Variants in PTK7 observed in about 807,000 individuals in gnomAD.
The protein encoded by PTK7 is inactive tyrosine-protein kinase 7.
In PTK7, 39 loss-of-function variants were observed where a neutral mutation model predicts 116.6. The ratio of observed to expected loss-of-function variants is 0.33; its 90% CI spans 0.26 to 0.44. The LOEUF (loss-of-function observed/expected upper bound fraction) is 0.44, where lower values mean the gene tolerates loss of function less well. Ranked by LOEUF, PTK7 falls within the 20% of genes least tolerant of loss-of-function variation. PTK7 has a pLI of 1.00. For synonymous variants in PTK7, 546 were observed against 563.6 expected (o/e 0.97, Z 0.44); for missense variants, 1,169 against 1,425.6 (o/e 0.82, Z 2.90).
At chr6:43,082,379 T>C (rs1404641824) in intron 1 of PTK7, among the ~76,000 whole-genome samples, 1 of 152,102 alleles carries the variant, frequency 6.6e-6, no homozygotes, top group African/African-American at 2.4e-5. Context: ...GGTTTCACCA[T>C]GTTGGTCAGG....
At chr6:43,095,219 AAAGTT>A (rs1767180615) in intron 1 of PTK7, among the ~76,000 whole-genome samples, 2 of 148,656 alleles carry the variant, frequency 1.3e-5, no homozygotes, top group African/African-American at 4.9e-5. Context: ...AAAAAAAAAA[AAAGTT>A]AGCCAGGTGT....
intron 1 of PTK7, among the ~76,000 whole-genome samples, chr6:43,098,756 CAT>C (rs1354992049): frequency 7.3e-6 from 1 of 137,610 alleles, no homozygotes; most frequent in African/African-American, 2.9e-5. Context: ...TAAATAAAAT[CAT>C]ATTTACAACA....
chr6:43,132,572 G>A lies in PTK7; in HGVS notation c.1113G>A (p.Gln371=). ...TGCCCACCCATGGCAGGGTCTACCA[G>A]AAGGGCCACGAGCTGGTGTTGGCCA... ...VRLPTHGRVY[Q]KGHELVLANI... Residue 371 remains glutamine (Q), a synonymous_variant, in exon 7 of 20, where the codon CAG becomes CAA. Coordinates refer to ENST00000230419, the MANE Select transcript of PTK7 (RefSeq NM_002821.5). 6.2e-7 allele frequency: 1 copy of A among 1,613,364 alleles called. No individual in the cohort carries two copies. Among genetic ancestry groups the A allele is most frequent in the Non-Finnish European group, 8.5e-7 (1 of 1,179,864 alleles).
chr6:43,080,936 C>T (rs972155694), intron 1 of PTK7, among the ~76,000 whole-genome samples: 11 of 144,436 alleles, frequency 7.6e-5, no homozygotes, highest in Non-Finnish European at 1.1e-4. Context: ...AACGAGACTC[C>T]GTCTCAAAAA....
At chr6:43,119,759 T>A (rs1343636995) in intron 1 of PTK7, among the ~76,000 whole-genome samples, 1 of 152,206 alleles carries the variant, frequency 6.6e-6, no homozygotes, top group Admixed American at 6.5e-5. Flanking sequence ...TGCAGGCTCC[T>A]CACTGGCGTC....
At chr6:43,122,606 C>CTTTTTT (rs750933412) in intron 1 of PTK7, among the ~76,000 whole-genome samples, 1 of 123,808 alleles carries the variant, frequency 8.1e-6, no homozygotes, top group Non-Finnish European at 1.7e-5. Flanking sequence ...GGGACTGAAT[C>CTTTTTT]TTTTTTTTTT....
intron 1 of PTK7, among the ~76,000 whole-genome samples, chr6:43,118,655 CTCTCTA>C (rs1446082022): frequency 0.012 from 818 of 70,140 alleles, 3 homozygotes; most frequent in African/African-American, 0.015. Flanking sequence ...CTCTCTCTCT[CTCTCTA>C]TATATATATA....
At chr6:43,115,550 T>C (rs1768457966) in intron 1 of PTK7, among the ~76,000 whole-genome samples, 1 of 152,082 alleles carries the variant, frequency 6.6e-6, no homozygotes, top group African/African-American at 2.4e-5. Context: ...CTGTTCCCCT[T>C]GTCTCCGGTG....
chr6:43,144,327 C>A, intron 14 of PTK7, 124 bp from the exon 15 acceptor site: 2 of 1,188,022 alleles, frequency 1.7e-6, no homozygotes, highest in Non-Finnish European at 2.4e-6. Context: ...CTTGCCCTTT[C>A]ATGTGGAGCA....
chr6:43,154,857 G>A (rs952050558), intron 17 of PTK7, among the ~76,000 whole-genome samples: 1 of 152,248 alleles, frequency 6.6e-6, no homozygotes, highest in Non-Finnish European at 1.5e-5. Flanking sequence ...CCACTGGTGG[G>A]CAGACAGTCC....
intron 1 of PTK7, among the ~76,000 whole-genome samples, chr6:43,083,064 G>A (rs1382769214): frequency 2.0e-5 from 3 of 152,226 alleles, no homozygotes; most frequent in African/African-American, 7.2e-5. Flanking sequence ...TGGGATAGAG[G>A]TTGGCCGGTT....
chr6:43,121,550 G>A (rs577240332), intron 1 of PTK7, among the ~76,000 whole-genome samples: 6 of 150,154 alleles, frequency 4.0e-5, no homozygotes, highest in Admixed American at 2.6e-4. Context: ...TGGGAAGACA[G>A]AAGGGGAGCA....
In PTK7 at chr6:43,142,370, CCT is replaced by C. The variant is rs767500156; in HGVS notation, c.2047+72_2047+73del. 12 of 1,605,582 alleles carry C rather than the reference CCT, an allele frequency of 7.5e-6. No individual in the cohort carries two copies. The East Asian group carries it at 2.5e-4, about 33-fold the overall frequency. ...GACGTTTGTCACCTTGTACTCAGCC[CCT>C]GTGTACAGAACATGGCACAGAAGCC... On this transcript the variant is annotated intron_variant, in intron 13 of 19. Coordinates refer to ENST00000230419, the MANE Select transcript of PTK7 (RefSeq NM_002821.5).
intron 1 of PTK7, among the ~76,000 whole-genome samples, chr6:43,127,928 CA>C (rs879765879): frequency 1.1e-3 from 155 of 135,458 alleles, no homozygotes; most frequent in Non-Finnish European, 7.4e-4. Context: ...GACTCCGTCT[CA>C]AAAAAAAAAA....
chr6:43,142,494 C>T, intron 13 of PTK7, 195 bp downstream of exon 13: 1 of 886,428 alleles, frequency 1.1e-6, no homozygotes, highest in South Asian at 1.4e-5. Flanking sequence ...ATTTAACATC[C>T]AACGGTCGGT....
At chr6:43,133,277 T>C (rs1769821866) in intron 7 of PTK7, 1 of 156,796 alleles carries the variant, frequency 6.4e-6, no homozygotes, top group African/African-American at 2.4e-5. Context: ...GTACACATGA[T>C]AAACCCTTTA....
intron 17 of PTK7, 81 bp from the exon 18 acceptor site, chr6:43,158,736 A>G: frequency 4.1e-6 from 6 of 1,460,464 alleles, no homozygotes; most frequent in Non-Finnish European, 5.6e-6. Flanking sequence ...TAGTGTTGAA[A>G]CGCTACCAAG....
rs138410403 is a variant in PTK7, at chr6:43,115,589, A to C, written c.80-13388A>C. Among the ~76,000 whole-genome samples the C allele has an allele frequency of 6.4e-3, 969 of 152,208 alleles. 10 individuals are homozygous for C. Among genetic ancestry groups the C allele is most frequent in the African/African-American group, 0.022 (906 of 41,530 alleles). Reference sequence around the variant, plus strand: ...TGTTACTCAGCATTTTCCCAGCCGCAGAGATGGCTGCGAGGAGAGCTTTGG... The same window carrying C: ...TGTTACTCAGCATTTTCCCAGCCGCCGAGATGGCTGCGAGGAGAGCTTTGG... On this transcript the variant is annotated intron_variant, in intron 1 of 19. Transcript: ENST00000230419.
intron 10 of PTK7, among the ~76,000 whole-genome samples, chr6:43,140,256 G>C (rs1770314715): frequency 6.6e-6 from 1 of 152,148 alleles, no homozygotes. Context: ...AGACCATCCT[G>C]GCTAACATAG....
Sources: gnomAD v4.1 joint callset for allele counts (sites outside exome capture counted in the v4.1 genomes callset) on GRCh38, gnomAD v4.1.1 for gene constraint, MANE v1.5 for transcripts, NCBI Gene and HGNC (gene_info 2026-07-23, HGNC 2026-07-21) for gene names.